The following RALGAPA1 variants were observed in gnomAD, a reference collection of about 807,000 sequenced individuals.
RALGAPA1 encodes the protein ral GTPase-activating protein subunit alpha-1.
A neutral mutation model predicts 269.6 loss-of-function variants in RALGAPA1; 52 were observed. That is an observed-to-expected ratio of 0.19 (90% CI 0.15 to 0.24). The LOEUF (loss-of-function observed/expected upper bound fraction) is 0.24, where lower values mean the gene tolerates loss of function less well. Among genes scored for constraint, RALGAPA1 ranks in the 10% least tolerant of loss-of-function variants. The probability of loss-of-function intolerance (pLI) is 1.00; values close to 1 mark genes in which losing one functional copy is unlikely to be tolerated. For synonymous variants in RALGAPA1, 817 were observed against 1,008.3 expected, an observed-to-expected ratio of 0.81 and a Z score of 3.60; for missense variants, 1,917 against 3,013.9, an observed-to-expected ratio of 0.64 and a Z score of 8.52.
chr14:35,658,874 A>C (rs1167020851), intron 28 of RALGAPA1, among the ~76,000 whole-genome samples: 1 of 152,100 alleles, frequency 6.6e-6, no homozygotes, highest in African/African-American at 2.4e-5. Context: ...AAATGTACTT[A>C]AATAAAATAA....
At position 35,539,307 on chromosome 14, in the gene RALGAPA1, C is replaced by A; in HGVS notation, c.*407G>T. 2.9e-6 allele frequency: 1 copy of A among 339,040 alleles called. No individual in the cohort carries two copies. The highest frequency in any genetic ancestry group is 5.0e-6 in the Non-Finnish European group (1 of 198,564). The allele number at this position is 339,040 out of a possible 1,614,324, so 21.0% of individuals were successfully genotyped here. On this transcript the variant is annotated 3_prime_UTR_variant, in exon 42 of 42. Coordinates refer to ENST00000680220, the MANE Select transcript of RALGAPA1 (RefSeq NM_001346249.2). ...AGGTAAAGGGTGTAGAATAAAACTC[C>A]CCCTGCCCTCAAAATATGGCAGCTT...
intron 37 of RALGAPA1, among the ~76,000 whole-genome samples, chr14:35,587,083 G>A (rs1276095995): frequency 1.3e-5 from 2 of 152,132 alleles, no homozygotes; most frequent in Admixed American, 6.5e-5. Flanking sequence ...CTGTGAATCC[G>A]TCTGGTCCTG....
intron 37 of RALGAPA1, among the ~76,000 whole-genome samples, chr14:35,591,440 T>C (rs1412905207): frequency 6.6e-6 from 1 of 152,098 alleles, no homozygotes; most frequent in Non-Finnish European, 1.5e-5. Flanking sequence ...AGTAGCCTCC[T>C]GAGTAATTGG....
At chr14:35,563,275 T>C (rs2056436928) in intron 39 of RALGAPA1, among the ~76,000 whole-genome samples, 1 of 152,120 alleles carries the variant, frequency 6.6e-6, no homozygotes, top group African/African-American at 2.4e-5. Flanking sequence ...AGGAGGTTTT[T>C]TTTCTTTTAA....
intron 21 of RALGAPA1, among the ~76,000 whole-genome samples, chr14:35,678,535 C>A (rs1241944008): frequency 6.6e-6 from 1 of 152,126 alleles, no homozygotes; most frequent in Non-Finnish European, 1.5e-5. Flanking sequence ...CAGTCTCTCC[C>A]ACATCCTGAC....
chr14:35,721,760 G>C lies in RALGAPA1; in HGVS notation c.2194C>G (p.Gln732Glu). Residue 732 changes from glutamine (Q) to glutamate (E), a missense_variant, in exon 16 of 42, where the codon CAG becomes GAG. Gln to Glu is a conservative substitution (Grantham distance 29). This residue lies in a region of RALGAPA1 where 125 missense variants were observed against 155.7 expected (regional missense o/e 0.80). Coordinates refer to ENST00000680220, the MANE Select transcript of RALGAPA1 (RefSeq NM_001346249.2). ...RDQPGQAPMRQRSATTTGSPG... is the reference protein window; with the variant it reads ...RDQPGQAPMRERSATTTGSPG... ...GAACCAGTGGTTGTTGCACTCCTCTGTCTCATTGGGGCTTGGCCAGGCTGA... is the reference window on the plus strand; with the variant it reads ...GAACCAGTGGTTGTTGCACTCCTCTCTCTCATTGGGGCTTGGCCAGGCTGA... The C allele has an allele frequency of 5.6e-6, 9 of 1,612,764 alleles. No individual in the cohort carries two copies. Among genetic ancestry groups the C allele is most frequent in the African/African-American group, 1.3e-5 (1 of 74,986 alleles).
At chr14:35,784,716 C>CTAGATAT (rs2075681680) in intron 1 of RALGAPA1, among the ~76,000 whole-genome samples, 1 of 152,054 alleles carries the variant, frequency 6.6e-6, no homozygotes. Context: ...TTTCCTAAGT[C>CTAGATAT]TAGATATTAC....
intron 1 of RALGAPA1, among the ~76,000 whole-genome samples, chr14:35,789,983 A>G (rs1311907078): frequency 6.6e-6 from 1 of 151,882 alleles, no homozygotes; most frequent in African/African-American, 2.4e-5. Flanking sequence ...GCCGGGTGCA[A>G]TGGTTCATGC....
intron 17 of RALGAPA1, among the ~76,000 whole-genome samples, chr14:35,691,487 G>T (rs1268313179): frequency 6.6e-6 from 1 of 152,142 alleles, no homozygotes; most frequent in Non-Finnish European, 1.5e-5. Context: ...AAATGCAACA[G>T]AACTATAACT....
chr14:35,650,613 T>G (rs2062762917), intron 31 of RALGAPA1, among the ~76,000 whole-genome samples: 1 of 152,122 alleles, frequency 6.6e-6, no homozygotes, highest in South Asian at 2.1e-4. Flanking sequence ...TATGAAAGCC[T>G]CATGTATGCC....
chr14:35,719,578 A>G (rs1251874984), intron 16 of RALGAPA1, among the ~76,000 whole-genome samples: 1 of 152,206 alleles, frequency 6.6e-6, no homozygotes, highest in African/African-American at 2.4e-5. Context: ...ACACGCCAAC[A>G]TGTTAACAAT....
chr14:35,667,887 A>C (rs2064079484), intron 26 of RALGAPA1, among the ~76,000 whole-genome samples: 1 of 152,264 alleles, frequency 6.6e-6, no homozygotes, highest in Non-Finnish European at 1.5e-5. Context: ...CACAACAGCC[A>C]AGACATGGAC....
chr14:35,786,836 A>G (rs1007927111), intron 1 of RALGAPA1, among the ~76,000 whole-genome samples: 1 of 152,006 alleles, frequency 6.6e-6, no homozygotes, highest in African/African-American at 2.4e-5. Context: ...CTTTTCCTTC[A>G]TGTCTTTTTT....
chr14:35,563,778 C>G (rs1486354465), intron 39 of RALGAPA1, among the ~76,000 whole-genome samples: 1 of 152,130 alleles, frequency 6.6e-6, no homozygotes, highest in African/African-American at 2.4e-5. Context: ...GGAACACTTA[C>G]ACTAGCCTGC....
Position 35,572,641 on chromosome 14 carries a change from G to A in RALGAPA1, c.7287C>T (p.Pro2429=), listed in dbSNP as rs1381188258. 6.2e-6 allele frequency: 10 copies of A among 1,609,900 alleles called. No homozygotes were observed. The highest frequency in any genetic ancestry group is 8.5e-6 in the Non-Finnish European group (10 of 1,177,240). Residue 2429 remains proline (P), a synonymous_variant, in exon 38 of 42, where the codon CCC becomes CCT. Transcript: ENST00000680220. ...CAATAAGGACATCACCAAATTCTGT[G>A]GGAATAATTCCTCTCCTGTAGTCTC... ...HTRDYRRGII[P]TEFGDVLIVI...
At position 35,627,075 on chromosome 14, in the gene RALGAPA1, C is replaced by T. The variant is rs750008713; in HGVS notation, c.6857+15G>A. On this transcript the variant is annotated intron_variant, in intron 34 of 41. Transcript: ENST00000680220. Reference sequence around the variant, plus strand: ...AAAAAAAAAAAAAAAGAAAAAATTTCTCCCTTATGCTTACCGTTTGTCCCA... The same window carrying T: ...AAAAAAAAAAAAAAAGAAAAAATTTTTCCCTTATGCTTACCGTTTGTCCCA... 30 of 1,275,562 alleles carry T rather than the reference C, an allele frequency of 2.4e-5. No individual in the cohort carries two copies. Among genetic ancestry groups the T allele is most frequent in the Admixed American group, 1.5e-4 (5 of 34,154 alleles). 79.0% of individuals were successfully genotyped at this position (1,275,562 alleles called of 1,614,324 possible).
intron 24 of RALGAPA1, 85 bp downstream of exon 24, chr14:35,674,095 C>A: frequency 1.9e-6 from 2 of 1,033,836 alleles, no homozygotes; most frequent in Non-Finnish European, 2.9e-6. Context: ...CTCTAGAAGT[C>A]TATATAATAG....
rs145171255 is a variant in RALGAPA1 at position 35,566,233 on chromosome 14, C to T, written c.7496+4384G>A. Among the ~76,000 whole-genome samples the T allele has an allele frequency of 1.1e-4, 17 of 152,224 alleles. No individual in the cohort carries two copies. In the East Asian group the frequency reaches 3.3e-3, roughly 29 times the overall value. On this transcript the variant is annotated intron_variant, in intron 39 of 41. Coordinates refer to ENST00000680220, the MANE Select transcript of RALGAPA1 (RefSeq NM_001346249.2). ...AAGTGCAGCGAAGGAGAGGTTTCAG[C>T]TTGAAAGACAGTCATCAATACGGAC...
intron 12 of RALGAPA1, among the ~76,000 whole-genome samples, chr14:35,734,142 C>T (rs1042830440): frequency 6.6e-6 from 1 of 152,028 alleles, no homozygotes; most frequent in Non-Finnish European, 1.5e-5. Context: ...AAGTGATCTA[C>T]AAATTCAATG....
Sources: gnomAD v4.1 joint callset for allele counts (sites outside exome capture counted in the v4.1 genomes callset) on GRCh38, gnomAD v4.1.1 for gene constraint, gnomAD v4.1.1 regional missense constraint, MANE v1.5 for transcripts, NCBI Gene and HGNC (gene_info 2026-07-23, HGNC 2026-07-21) for gene names.